The following AP4S1 variants were observed in gnomAD, a reference collection of about 807,000 sequenced individuals.
AP4S1 encodes the protein AP-4 complex subunit sigma-1.
A neutral mutation model predicts 19.8 loss-of-function variants in AP4S1; 23 were observed. The observed-to-expected ratio is 1.16, with a 90% confidence interval of 0.84 to 1.65. The LOEUF is 1.65. Ranked by LOEUF, AP4S1 falls within the 40% of genes most tolerant of loss-of-function variation. The pLI is 0.00. For synonymous variants in AP4S1, 46 were observed against 54.1 expected (o/e 0.85, Z 0.66); for missense variants, 166 against 172.8 (o/e 0.96, Z 0.22).
At chr14:31,074,708 G>A (rs1410789154) in intron 4 of AP4S1, among the ~76,000 whole-genome samples, 4 of 152,032 alleles carry the variant, frequency 2.6e-5, no homozygotes, top group Non-Finnish European at 5.9e-5. Flanking sequence ...GTATAATCAA[G>A]CTGGGTGTGG....
intron 1 of AP4S1, among the ~76,000 whole-genome samples, chr14:31,033,334 T>G (rs115964382): frequency 1.6e-3 from 240 of 152,140 alleles, no homozygotes; most frequent in African/African-American, 5.7e-3. Flanking sequence ...CTGCCTCAAC[T>G]TCCTGAGTAG....
At chr14:31,077,874 G>A (rs568406574) in intron 4 of AP4S1, among the ~76,000 whole-genome samples, 89 of 151,624 alleles carry the variant, frequency 5.9e-4, no homozygotes, top group African/African-American at 2.1e-3. Flanking sequence ...TAGCTGGGAT[G>A]ACAGGCACGT....
chr14:31,026,507 A>G, intron 1 of AP4S1: 1 of 294,296 alleles, frequency 3.4e-6, no homozygotes, highest in South Asian at 9.3e-5. Flanking sequence ...ACGCAGCCTC[A>G]CGCTTAATCG....
intron 5 of AP4S1, among the ~76,000 whole-genome samples, chr14:31,088,401 T>C (rs1452937758): frequency 6.6e-6 from 1 of 152,172 alleles, no homozygotes; most frequent in Non-Finnish European, 1.5e-5. Context: ...TTGACCCACC[T>C]CTGACTTTCA....
At chr14:31,064,178 C>A (rs775522599) in intron 1 of AP4S1, among the ~76,000 whole-genome samples, 1 of 152,194 alleles carries the variant, frequency 6.6e-6, no homozygotes, top group Non-Finnish European at 1.5e-5. Context: ...TGTCATGGAT[C>A]CATGCATGTG....
chr14:31,039,498 T>C (rs1884973044), intron 1 of AP4S1, among the ~76,000 whole-genome samples: 1 of 151,780 alleles, frequency 6.6e-6, no homozygotes, highest in South Asian at 2.1e-4. Flanking sequence ...ATGTAGCTTT[T>C]AAAAACACTT....
chr14:31,079,839 GAAAT>G (rs555046668), intron 4 of AP4S1, among the ~76,000 whole-genome samples: 131 of 151,992 alleles, frequency 8.6e-4, no homozygotes, highest in Admixed American at 4.3e-3. Flanking sequence ...ATACTTTCTT[GAAAT>G]AAATAAATAA....
intron 1 of AP4S1, among the ~76,000 whole-genome samples, chr14:31,049,078 A>G (rs1469913669): frequency 1.3e-5 from 2 of 151,152 alleles, no homozygotes; most frequent in African/African-American, 4.9e-5. Flanking sequence ...GTGAAACCCC[A>G]TCTCTACAAA....
intron 1 of AP4S1, among the ~76,000 whole-genome samples, chr14:31,047,946 C>T (rs777813139): frequency 6.6e-6 from 1 of 150,592 alleles, no homozygotes; most frequent in East Asian, 2.0e-4. Flanking sequence ...CAAAATGCTG[C>T]GATTACTGGT....
chr14:31,032,627 G>A (rs1008894340), intron 1 of AP4S1, among the ~76,000 whole-genome samples: 7 of 151,052 alleles, frequency 4.6e-5, no homozygotes, highest in East Asian at 2.0e-4. Flanking sequence ...GGGTTCAAGC[G>A]ATTCTCCTGC....
At chr14:31,076,177 A>T (rs1887350888) in intron 4 of AP4S1, among the ~76,000 whole-genome samples, 1 of 152,198 alleles carries the variant, frequency 6.6e-6, no homozygotes. Flanking sequence ...CTCTTGGACT[A>T]CCTAGGAGCA....
intron 5 of AP4S1, chr14:31,085,777 A>T: frequency 5.2e-6 from 5 of 964,574 alleles, no homozygotes; most frequent in Non-Finnish European, 6.2e-6. Flanking sequence ...GTCTTTAAAA[A>T]TAAAAATAAA....
rs1887106117 is a variant in AP4S1, at chr14:31,073,136, T to C, written c.294+163T>C. 1.8e-5 allele frequency: 12 copies of C among 677,288 alleles called. No individual in the cohort carries two copies. The South Asian group carries it at 1.9e-4, about 10-fold the overall frequency. The allele number at this position is 677,288 out of a possible 1,614,324, so 42.0% of individuals were successfully genotyped here. The stretch of plus-strand genomic sequence containing the variant: ...TTTCTTTATCTTTCCTTCTGGTTTA[T>C]CCAAAGTGTTACAAGCCTATACATG... On this transcript the variant is annotated intron_variant, in intron 4 of 5. Transcript: ENST00000542754.
At chr14:31,050,034 G>A (rs1471686990) in intron 1 of AP4S1, among the ~76,000 whole-genome samples, 1 of 152,182 alleles carries the variant, frequency 6.6e-6, no homozygotes, top group African/African-American at 2.4e-5. Flanking sequence ...CAGTTCTCCT[G>A]TCTCAGCCTC....
At chr14:31,026,116 G>T in intron 1 of AP4S1, 1 of 1,510,510 alleles carries the variant, frequency 6.6e-7, no homozygotes, top group Non-Finnish European at 8.8e-7. Flanking sequence ...TTCCCCCCAG[G>T]TCCCTGCTGC....
chr14:31,064,724 A>G (rs1357619882), intron 1 of AP4S1, among the ~76,000 whole-genome samples: 1 of 152,236 alleles, frequency 6.6e-6, no homozygotes, highest in Admixed American at 6.5e-5. Flanking sequence ...TGGGAGGCCA[A>G]AGCAGGAGGA....
chr14:31,073,419 G>A (rs61976854), intron 4 of AP4S1, among the ~76,000 whole-genome samples: 3,015 of 137,650 alleles, frequency 0.022, 81 homozygotes, highest in Middle Eastern at 0.069. Context: ...GAACCCGGGA[G>A]GCGGAGCTTG....
chr14:31,025,816 C>G, intron 1 of AP4S1, 29 bp downstream of exon 1: 3 of 1,519,298 alleles, frequency 2.0e-6, no homozygotes, highest in African/African-American at 1.4e-5. Flanking sequence ...CCCAAGGCGC[C>G]GGCTCCGGCT....
rs3784156 is a variant in AP4S1, at chr14:31,030,869, A to G, written c.-72+5082A>G. 5.8e-3 allele frequency among the ~76,000 whole-genome samples: 890 copies of G among 152,304 alleles called. 7 individuals are homozygous for G. Among genetic ancestry groups the G allele is most frequent in the East Asian group, 0.031 (163 of 5,182 alleles). On this transcript the variant is annotated intron_variant, in intron 1 of 5. Transcript: ENST00000542754. Reference sequence around the variant, plus strand: ...TCTTGAAACTTCAAGTGTGCTGCCTATTTAAAGAATTCCAACGGAATGTGA... The same window carrying G: ...TCTTGAAACTTCAAGTGTGCTGCCTGTTTAAAGAATTCCAACGGAATGTGA...
Sources: allele counts gnomAD v4.1 joint callset (sites outside exome capture counted in the v4.1 genomes callset), GRCh38; gene constraint gnomAD v4.1.1; transcripts MANE v1.5; gene names NCBI Gene and HGNC (gene_info 2026-07-23, HGNC 2026-07-21).